The following INSR variants were observed in gnomAD, a reference collection of about 807,000 sequenced individuals.
INSR encodes insulin receptor.
A neutral mutation model predicts 142.6 loss-of-function variants in INSR; 67 were observed. That is an observed-to-expected ratio of 0.47 (90% CI 0.39 to 0.58). The LOEUF (loss-of-function observed/expected upper bound fraction) is 0.58, where lower values mean the gene tolerates loss of function less well. INSR is among the 20% of genes least tolerant of loss of function. The pLI is 0.00. For synonymous variants in INSR, 756 were observed against 743.1 expected (o/e 1.02, Z -0.28); for missense variants, 1,248 against 1,833.2 (o/e 0.68, Z 5.83).
At chr19:7,212,851 T>G (rs1975317397) in intron 2 of INSR, among the ~76,000 whole-genome samples, 1 of 151,960 alleles carries the variant, frequency 6.6e-6, no homozygotes, top group South Asian at 2.1e-4. Flanking sequence ...CCTCCCAAAG[T>G]GCTGGGATTA....
intron 2 of INSR, among the ~76,000 whole-genome samples, chr19:7,207,649 C>T (rs8106071): frequency 6.7e-6 from 1 of 149,946 alleles, no homozygotes; most frequent in Non-Finnish European, 1.5e-5. Context: ...ATGGGCCGGG[C>T]CAGTGGCTCA....
At chr19:7,284,101 G>T (rs191465566) in intron 1 of INSR, among the ~76,000 whole-genome samples, 2 of 151,966 alleles carry the variant, frequency 1.3e-5, no homozygotes, top group Non-Finnish European at 2.9e-5. Flanking sequence ...GTCTCACTCT[G>T]TTGCCCAGGC....
intron 13 of INSR, among the ~76,000 whole-genome samples, chr19:7,135,227 C>A (rs1021069111): frequency 1.2e-4 from 18 of 150,176 alleles, no homozygotes; most frequent in Non-Finnish European, 2.7e-4. Flanking sequence ...GAATGAGTCA[C>A]CGAGTAGAGA....
intron 1 of INSR, among the ~76,000 whole-genome samples, chr19:7,274,851 AG>A (rs1280783126): frequency 2.0e-5 from 3 of 151,760 alleles, no homozygotes; most frequent in Non-Finnish European, 4.4e-5. Flanking sequence ...TTTTATAAAG[AG>A]TATCATCGAA....
At chr19:7,257,080 T>G (rs182568508) in intron 2 of INSR, among the ~76,000 whole-genome samples, 4 of 151,860 alleles carry the variant, frequency 2.6e-5, no homozygotes, top group Admixed American at 6.6e-5. Context: ...GCAGCTGGGA[T>G]TACAGGTGCC....
intron 1 of INSR, 107 bp downstream of exon 1, chr19:7,293,685 C>T: frequency 2.1e-6 from 2 of 957,132 alleles, no homozygotes; most frequent in Non-Finnish European, 2.7e-6. Flanking sequence ...CCGCCCCCCG[C>T]CCCTGGGGAG....
Position 7,267,222 on chromosome 19 carries a change from C to A in INSR, c.652+123G>T. On this transcript the variant is annotated intron_variant, in intron 2 of 21. Transcript: ENST00000302850. The surrounding 1 kb of genome is among the most constrained non-coding windows in gnomAD (Gnocchi z 6.3). Reference sequence around the variant, plus strand: ...CTGCCACTCCCTGGGCTAGTGAATGCCACCACCCACTATTCCCCGGCCCCT... The same window carrying A: ...CTGCCACTCCCTGGGCTAGTGAATGACACCACCCACTATTCCCCGGCCCCT... 2.0e-6 allele frequency: 2 copies of A among 996,884 alleles called. No individual in the cohort carries two copies. Among genetic ancestry groups the A allele is most frequent in the Admixed American group, 3.8e-5 (2 of 52,162 alleles). 61.8% of individuals were successfully genotyped at this position (996,884 alleles called of 1,614,324 possible). A position where few individuals can be genotyped will look rare whatever the true frequency, so the allele number is the denominator to read the frequency against.
In INSR at chr19:7,117,215, G is replaced by A. The variant is rs1972356834; in HGVS notation, c.3990C>T (p.Asp1330=). The change falls in exon 22 of 22, where the codon GAC becomes GAT. Residue 1330 remains aspartate, a synonymous_variant. Transcript: ENST00000302850. ...CCTCCCTCTGACAGTGCGAGGAACG[G>A]TCCAGGGGCACATTCTCCATGTCCT... ...EFEDMENVPL[D]RSSHCQREEA... 1.9e-6 allele frequency: 3 copies of A among 1,614,018 alleles called. No individual in the cohort carries two copies. Among genetic ancestry groups the A allele is most frequent in the Non-Finnish European group, 2.5e-6 (3 of 1,180,020 alleles).
intron 9 of INSR, among the ~76,000 whole-genome samples, chr19:7,154,355 T>G (rs1973531169): frequency 7.5e-6 from 1 of 132,790 alleles, no homozygotes; most frequent in Admixed American, 8.1e-5. Flanking sequence ...CAGGCTGGAG[T>G]GCAGTGGCGC....
At position 7,184,400 on chromosome 19, in the gene INSR, C is replaced by T. The variant is rs375845481; in HGVS notation, c.890G>A (p.Arg297Gln). The change falls in exon 3 of 22, where the codon CGG (arginine) becomes CAG (glutamine). Residue 297 changes from arginine to glutamine, a missense_variant. Around this residue, in one of 3 missense-constraint regions of INSR, gnomAD observed 1,069 missense variants for 1,654.0 expected, o/e 0.65. Coordinates refer to ENST00000302850, the MANE Select transcript of INSR (RefSeq NM_000208.4). ...GACGTACTGGTGGCAGCCCTGCCTC[C>T]GCGAGTTCTTGCATTTGTGGTGCAG... ...QDLHHKCKNS[R>Q]RQGCHQYVIH... is the part of the protein sequence containing the mutation. 17 of 1,613,924 alleles carry T rather than the reference C, an allele frequency of 1.1e-5. No individual in the cohort carries two copies. Among genetic ancestry groups the T allele is most frequent in the African/African-American group, 6.7e-5 (5 of 74,860 alleles).
intron 14 of INSR, among the ~76,000 whole-genome samples, chr19:7,131,944 G>A (rs1199110216): frequency 1.3e-5 from 2 of 151,486 alleles, no homozygotes; most frequent in East Asian, 4.0e-4. Flanking sequence ...GCTACAGTGA[G>A]CTGAGATTGT....
intron 1 of INSR, among the ~76,000 whole-genome samples, chr19:7,279,075 C>G (rs888095108): frequency 2.0e-5 from 3 of 152,064 alleles, no homozygotes; most frequent in African/African-American, 7.2e-5. Flanking sequence ...GTTGAGTGAG[C>G]TGAGATCACG....
chr19:7,163,077 G>C lies in INSR; in HGVS notation c.1984C>G (p.Gln662Glu). 1 of 1,613,956 alleles carries C rather than the reference G, an allele frequency of 6.2e-7. No individual in the cohort carries two copies. Among genetic ancestry groups the C allele is most frequent in the Non-Finnish European group, 8.5e-7 (1 of 1,179,976 alleles). Residue 662 changes from glutamine to glutamate, a missense_variant, in exon 9 of 22, where the codon CAG becomes GAG. This residue lies in a region of INSR where 1,069 missense variants were observed against 1,654.0 expected (regional missense o/e 0.65). Coordinates refer to ENST00000302850, the MANE Select transcript of INSR (RefSeq NM_000208.4). ...TCGAACAGCTCACTGTCTTCCGCCTGCCTCTCCCAGAAAACCAGGTAGTGG... is the reference window on the plus strand; with the variant it reads ...TCGAACAGCTCACTGTCTTCCGCCTCCCTCTCCCAGAAAACCAGGTAGTGG... ...ITHYLVFWER[Q>E]AEDSELFELD... is the part of the protein sequence containing the mutation.
chr19:7,125,604 C>T lies in INSR; in HGVS notation c.3014-77G>A, dbSNP rs1972627660. ...CAGCCACCTTCCACCCAAGCCCTCA[C>T]CCAAACCCCCTCGAAAACACTCATG... is the stretch of plus-strand genomic sequence containing the variant. On this transcript the variant is annotated intron_variant, in intron 16 of 21. Coordinates refer to ENST00000302850, the MANE Select transcript of INSR (RefSeq NM_000208.4). The surrounding 1 kb of genome is among the most constrained non-coding windows in gnomAD (Gnocchi z 4.9). The T allele has an allele frequency of 1.9e-6, 3 of 1,584,494 alleles. No homozygotes were observed. The highest frequency in any genetic ancestry group is 2.6e-6 in the Non-Finnish European group (3 of 1,164,790).
chr19:7,293,730 C>T, intron 1 of INSR, 62 bp downstream of exon 1: 5 of 1,249,206 alleles, frequency 4.0e-6, no homozygotes, highest in Non-Finnish European at 5.0e-6. Flanking sequence ...TCGATTTTGG[C>T]TTGGGTGGGG....
chr19:7,243,365 C>T (rs1426258863), intron 2 of INSR, among the ~76,000 whole-genome samples: 2 of 147,576 alleles, frequency 1.4e-5, no homozygotes, highest in Non-Finnish European at 3.0e-5. Context: ...CCTGCCTCAG[C>T]TTCCCGAGTA....
At chr19:7,219,654 G>A (rs1975552350) in intron 2 of INSR, among the ~76,000 whole-genome samples, 1 of 150,252 alleles carries the variant, frequency 6.7e-6, no homozygotes, top group African/African-American at 2.5e-5. Context: ...AAAGGAAGGA[G>A]GGAAGGAGGG....
Position 7,168,541 on chromosome 19 carries a change from C to T in INSR, c.1484-447G>A, listed in dbSNP as rs1973939527. On this transcript the variant is annotated intron_variant, in intron 6 of 21. Transcript: ENST00000302850. The surrounding 1 kb of genome is among the most constrained non-coding windows in gnomAD (Gnocchi z 4.3). ...TTTAGAGACCCTGCAGATCATTAGA[C>T]ATCGGAGAGACGCATCTAAGTAATT... 6.6e-6 allele frequency among the ~76,000 whole-genome samples: 1 copy of T among 152,186 alleles called. No homozygotes were observed. The highest frequency in any genetic ancestry group is 2.4e-5 in the African/African-American group (1 of 41,444).
At chr19:7,243,529 A>C (rs1235102965) in intron 2 of INSR, among the ~76,000 whole-genome samples, 1 of 152,012 alleles carries the variant, frequency 6.6e-6, no homozygotes, top group African/African-American at 2.4e-5. Flanking sequence ...TACAGGCATG[A>C]GCCACCGCAC....
Sources: gnomAD v4.1 joint callset for allele counts (sites outside exome capture counted in the v4.1 genomes callset) on GRCh38, gnomAD v4.1.1 for gene constraint, gnomAD v4.1.1 regional missense constraint, Gnocchi (gnomAD v3.1) non-coding constraint, MANE v1.5 for transcripts, NCBI Gene and HGNC (gene_info 2026-07-23, HGNC 2026-07-21) for gene names.